CYB5R4: variants seen among roughly 807,000 people sequenced by gnomAD.
CYB5R4 encodes the protein cytochrome b5 reductase 4.
Under a neutral mutation model 70.2 loss-of-function variants are expected in CYB5R4, and 55 were observed. That is an observed-to-expected ratio of 0.78 (90% CI 0.63 to 0.98). The LOEUF (loss-of-function observed/expected upper bound fraction) is 0.98. Among genes scored for constraint, CYB5R4 ranks in the 50% least tolerant of loss-of-function variants. The pLI is 0.00. For synonymous variants in CYB5R4, 197 were observed against 199.5 expected, an observed-to-expected ratio of 0.99 and a Z score of 0.11; for missense variants, 562 against 612.6, an observed-to-expected ratio of 0.92 and a Z score of 0.87.
intron 2 of CYB5R4, among the ~76,000 whole-genome samples, chr6:83,874,602 G>GGTC (rs1290397991): frequency 6.6e-6 from 1 of 150,674 alleles, no homozygotes; most frequent in East Asian, 2.0e-4. Context: ...TTGGGCCATT[G>GGTC]GTCGTCCTTT....
At chr6:83,894,770 A>G (rs1209468689) in intron 3 of CYB5R4, among the ~76,000 whole-genome samples, 1 of 147,046 alleles carries the variant, frequency 6.8e-6, no homozygotes, top group African/African-American at 2.7e-5. Context: ...ATCATAAGGA[A>G]GAGAAAATAT....
chr6:83,896,081 G>A (rs748264615), intron 3 of CYB5R4, among the ~76,000 whole-genome samples: 11 of 151,780 alleles, frequency 7.2e-5, no homozygotes, highest in Non-Finnish European at 1.5e-4. Flanking sequence ...CCTGTTTCTT[G>A]TAATAGGGGC....
At chr6:83,957,531 G>T (rs1173624059) in intron 15 of CYB5R4, among the ~76,000 whole-genome samples, 4 of 150,166 alleles carry the variant, frequency 2.7e-5, no homozygotes, top group African/African-American at 9.9e-5. Flanking sequence ...TGAGGCAGGA[G>T]GATCGCTCGA....
At position 83,923,547 on chromosome 6, in the gene CYB5R4, C is replaced by G. The variant is rs777134776; in HGVS notation, c.692-923C>G. Among the ~76,000 whole-genome samples, 15 of 152,048 alleles carry G rather than the reference C, an allele frequency of 9.9e-5. 1 individual carries two copies. Among genetic ancestry groups the G allele is most frequent in the Admixed American group, 2.0e-4 (3 of 15,276 alleles). ...AAGAAAAATTAAATATGCTTTAAAT[C>G]TTTAAAAGCATGTTCAATTCATAAA... On this transcript the variant is annotated intron_variant, in intron 9 of 15. Coordinates refer to ENST00000369681, the MANE Select transcript of CYB5R4 (RefSeq NM_016230.4).
At chr6:83,936,677 T>G (rs1157988862) in intron 12 of CYB5R4, among the ~76,000 whole-genome samples, 1 of 152,152 alleles carries the variant, frequency 6.6e-6, no homozygotes, top group Non-Finnish European at 1.5e-5. Context: ...CTCAGTGACT[T>G]TTTCAGCTAC....
At chr6:83,895,890 A>G (rs1342383954) in intron 3 of CYB5R4, among the ~76,000 whole-genome samples, 2 of 152,204 alleles carry the variant, frequency 1.3e-5, no homozygotes, top group Non-Finnish European at 2.9e-5. Flanking sequence ...ACTTGTGCCC[A>G]GTATTTTAGC....
At chr6:83,906,892 T>C (rs1207419264) in intron 3 of CYB5R4, among the ~76,000 whole-genome samples, 1 of 152,224 alleles carries the variant, frequency 6.6e-6, no homozygotes, top group Admixed American at 6.5e-5. Flanking sequence ...TATATAGTAT[T>C]GTATTGAATG....
Position 83,940,545 on chromosome 6 carries a change from A to T in CYB5R4, c.1290A>T (p.Thr430=). 6.3e-7 allele frequency: 1 copy of T among 1,596,422 alleles called. No individual in the cohort carries two copies. The highest frequency in any genetic ancestry group is 8.5e-7 in the Non-Finnish European group (1 of 1,175,128). ...RKVKLMFFNK[T]EDDIIWRSQL... Reference sequence around the variant, plus strand: ...TGAAGCTGATGTTCTTCAATAAAACAGAAGATGATATAATTTGGAGAAGCC... The same window carrying T: ...TGAAGCTGATGTTCTTCAATAAAACTGAAGATGATATAATTTGGAGAAGCC... The change falls in exon 14 of 16, where the codon ACA becomes ACT. Residue 430 remains threonine (T), a synonymous_variant. Transcript: ENST00000369681.
At chr6:83,865,756 C>T (rs2099456628) in intron 2 of CYB5R4, among the ~76,000 whole-genome samples, 1 of 152,036 alleles carries the variant, frequency 6.6e-6, no homozygotes, top group South Asian at 2.1e-4. Flanking sequence ...CAGTTCCACC[C>T]ATAACAGACA....
At chr6:83,874,103 T>A (rs1411607233) in intron 2 of CYB5R4, among the ~76,000 whole-genome samples, 2 of 146,384 alleles carry the variant, frequency 1.4e-5, no homozygotes, top group East Asian at 4.2e-4. Flanking sequence ...TCCTGCCTGC[T>A]TGCCTGCCTC....
At chr6:83,911,887 GA>G (rs200576960) in intron 4 of CYB5R4, among the ~76,000 whole-genome samples, 3 of 150,096 alleles carry the variant, frequency 2.0e-5, no homozygotes, top group East Asian at 3.9e-4. Context: ...CTACAAAAAA[GA>G]AAAAAAAATT....
At chr6:83,866,726 C>T (rs1360656987) in intron 2 of CYB5R4, among the ~76,000 whole-genome samples, 8 of 152,066 alleles carry the variant, frequency 5.3e-5, no homozygotes, top group Non-Finnish European at 8.8e-5. Context: ...AGTAATCCTC[C>T]TGCCTCACCC....
At chr6:83,902,901 T>G (rs898517577) in intron 3 of CYB5R4, among the ~76,000 whole-genome samples, 4 of 152,274 alleles carry the variant, frequency 2.6e-5, no homozygotes, top group Admixed American at 2.6e-4. Context: ...TTACTGAATT[T>G]GTTTATCAGC....
intron 10 of CYB5R4, among the ~76,000 whole-genome samples, chr6:83,929,819 T>G (rs2129141408): frequency 6.6e-6 from 1 of 152,202 alleles, no homozygotes; most frequent in East Asian, 1.9e-4. Flanking sequence ...TTTAAAGATA[T>G]GCCAACAAAT....
At chr6:83,897,195 A>G (rs1246175800) in intron 3 of CYB5R4, among the ~76,000 whole-genome samples, 3 of 152,094 alleles carry the variant, frequency 2.0e-5, no homozygotes, top group Non-Finnish European at 4.4e-5. Flanking sequence ...TTTGCTGAGA[A>G]TGATGGTTTC....
At chr6:83,877,229 C>T (rs929346015) in intron 2 of CYB5R4, among the ~76,000 whole-genome samples, 1 of 152,058 alleles carries the variant, frequency 6.6e-6, no homozygotes, top group African/African-American at 2.4e-5. Flanking sequence ...GATATATTGT[C>T]ATTGAGCATA....
Position 83,961,129 on chromosome 6 carries a change from G to A in CYB5R4, c.*1251G>A, listed in dbSNP as rs912182067. 1.3e-5 allele frequency: 2 copies of A among 152,052 alleles called. No individual in the cohort carries two copies. Among genetic ancestry groups the A allele is most frequent in the African/African-American group, 2.4e-5 (1 of 41,374 alleles). The allele number at this position is 152,052 out of a possible 1,614,324, so 9.4% of individuals were successfully genotyped here. ...TATTAATATTCCCCAAATTACAGAC[G>A]CCCAGCTTGTGAAGCTTCCTATGTG... On this transcript the variant is annotated 3_prime_UTR_variant, in exon 16 of 16. Coordinates refer to ENST00000369681, the MANE Select transcript of CYB5R4 (RefSeq NM_016230.4).
chr6:83,928,732 A>G (rs1308001746), intron 10 of CYB5R4, among the ~76,000 whole-genome samples: 1 of 152,182 alleles, frequency 6.6e-6, no homozygotes, highest in African/African-American at 2.4e-5. Context: ...AAAAGGGACA[A>G]TGGAAATGAA....
intron 10 of CYB5R4, among the ~76,000 whole-genome samples, chr6:83,933,878 A>C (rs1488566429): frequency 2.0e-5 from 3 of 152,228 alleles, no homozygotes; most frequent in Non-Finnish European, 4.4e-5. Context: ...ATTAATTTTC[A>C]GATACCAAAA....
Sources: gnomAD v4.1 joint callset for allele counts (sites outside exome capture counted in the v4.1 genomes callset) on GRCh38, gnomAD v4.1.1 for gene constraint, MANE v1.5 for transcripts, NCBI Gene and HGNC (gene_info 2026-07-23, HGNC 2026-07-21) for gene names.